NT5DC1: variants seen among roughly 807,000 people sequenced by gnomAD.
NT5DC1 encodes 5'-nucleotidase domain containing 1.
NT5DC1 carries 42 observed loss-of-function variants against 59.4 expected under a neutral mutation model. The ratio of observed to expected loss-of-function variants is 0.71; its 90% CI spans 0.55 to 0.92. NT5DC1 has a LOEUF of 0.92. Ranked by LOEUF, NT5DC1 falls within the 40% of genes least tolerant of loss-of-function variation. The probability of loss-of-function intolerance (pLI) is 0.00; values close to 1 mark genes in which losing one functional copy is unlikely to be tolerated. For synonymous variants in NT5DC1, 172 were observed against 188.1 expected, an observed-to-expected ratio of 0.91 and a Z score of 0.70; for missense variants, 501 against 537.1, an observed-to-expected ratio of 0.93 and a Z score of 0.66.
chr6:116,231,338 C>A (rs992839270), intron 8 of NT5DC1, among the ~76,000 whole-genome samples: 1 of 151,888 alleles, frequency 6.6e-6, no homozygotes, highest in African/African-American at 2.4e-5. Flanking sequence ...AAGTCTAGCC[C>A]AGAATTGAGG....
intron 6 of NT5DC1, among the ~76,000 whole-genome samples, chr6:116,144,743 G>T (rs1346700787): frequency 1.3e-5 from 2 of 152,110 alleles, no homozygotes; most frequent in Non-Finnish European, 2.9e-5. Flanking sequence ...GGAGTGGGTG[G>T]GATAGCAGGA....
intron 11 of NT5DC1, among the ~76,000 whole-genome samples, chr6:116,240,723 A>T (rs1771695406): frequency 6.6e-6 from 1 of 152,242 alleles, no homozygotes; most frequent in Non-Finnish European, 1.5e-5. Flanking sequence ...TAAATAACAG[A>T]TTGACATCTG....
intron 6 of NT5DC1, among the ~76,000 whole-genome samples, chr6:116,189,336 G>T (rs575810536): frequency 2.6e-5 from 4 of 151,808 alleles, no homozygotes; most frequent in African/African-American, 9.6e-5. Flanking sequence ...CTCACAACCC[G>T]ATTTGAGACT....
intron 6 of NT5DC1, chr6:116,121,037 G>A (rs768368680): frequency 6.8e-6 from 11 of 1,614,050 alleles, no homozygotes; most frequent in Non-Finnish European, 9.3e-6. Flanking sequence ...CTCACCTTTA[G>A]GGCCTGGGAG....
Position 116,220,865 on chromosome 6 carries a change from T to C in NT5DC1, c.530-189T>C, listed in dbSNP as rs79177046. Among the ~76,000 whole-genome samples, 139 of 152,342 alleles carry C rather than the reference T, an allele frequency of 9.1e-4. 3 individuals are homozygous for C. The East Asian group carries it at 0.026, about 28-fold the overall frequency. Reference sequence around the variant, plus strand: ...ATTATCAACTAACATTTTCAAACAATATTGTGTTTTCAAGTAAAGAACTAT... The same window carrying C: ...ATTATCAACTAACATTTTCAAACAACATTGTGTTTTCAAGTAAAGAACTAT... On this transcript the variant is annotated intron_variant, in intron 6 of 11. Coordinates refer to ENST00000319550, the MANE Select transcript of NT5DC1 (RefSeq NM_152729.3).
chr6:116,223,867 T>C (rs1781858214), intron 8 of NT5DC1, among the ~76,000 whole-genome samples: 1 of 152,182 alleles, frequency 6.6e-6, no homozygotes, highest in South Asian at 2.1e-4. Context: ...GGTTGGAAAT[T>C]GAAACACACT....
intron 6 of NT5DC1, among the ~76,000 whole-genome samples, chr6:116,151,149 G>C (rs923743351): frequency 6.6e-6 from 1 of 151,930 alleles, no homozygotes; most frequent in Non-Finnish European, 1.5e-5. Context: ...CCTTCTTTTT[G>C]CTTCCGGGCA....
At chr6:116,218,386 C>T (rs1582879135) in intron 6 of NT5DC1, among the ~76,000 whole-genome samples, 1 of 152,186 alleles carries the variant, frequency 6.6e-6, no homozygotes. Context: ...GCATTACACA[C>T]TATAAATTTT....
intron 8 of NT5DC1, among the ~76,000 whole-genome samples, chr6:116,235,565 G>A (rs1296774616): frequency 6.6e-6 from 1 of 152,202 alleles, no homozygotes; most frequent in East Asian, 1.9e-4. Context: ...CTGAGGTTAT[G>A]CAGAAATGCA....
At chr6:116,121,997 G>A in intron 6 of NT5DC1, 1 of 1,564,968 alleles carries the variant, frequency 6.4e-7, no homozygotes, top group South Asian at 1.1e-5. Flanking sequence ...CCCATAGAAG[G>A]GGATGGTTAG....
chr6:116,169,772 G>T (rs761749533), intron 6 of NT5DC1, among the ~76,000 whole-genome samples: 2 of 152,146 alleles, frequency 1.3e-5, no homozygotes, highest in African/African-American at 4.8e-5. Flanking sequence ...ACAGACATTT[G>T]GAGTTCAGAG....
chr6:116,101,446 AT>A (rs138520308), intron 1 of NT5DC1, among the ~76,000 whole-genome samples: 30,977 of 151,724 alleles, frequency 0.2, 3,871 homozygotes, highest in Middle Eastern at 0.37. Flanking sequence ...TGGTACTTGC[AT>A]TTTTTTTGGC....
At chr6:116,136,338 T>A (rs1211963914) in intron 6 of NT5DC1, among the ~76,000 whole-genome samples, 1 of 152,066 alleles carries the variant, frequency 6.6e-6, no homozygotes, top group Non-Finnish European at 1.5e-5. Context: ...CTTTTTTTTT[T>A]AAAGGACAAG....
At position 116,121,508 on chromosome 6, in the gene NT5DC1, C is replaced by T. The variant is rs754873544; in HGVS notation, c.529+3563C>T. Reference sequence around the variant, plus strand: ...TGTGGGACCCTGAGGGCCTGGAAGACCCCTCTCACCTGGACGACCAGGAGC... The same window carrying T: ...TGTGGGACCCTGAGGGCCTGGAAGATCCCTCTCACCTGGACGACCAGGAGC... On this transcript the variant is annotated intron_variant, in intron 6 of 11. Coordinates refer to ENST00000319550, the MANE Select transcript of NT5DC1 (RefSeq NM_152729.3). The T allele has an allele frequency of 1.9e-6, 3 of 1,614,198 alleles. No homozygotes were observed. Among genetic ancestry groups the T allele is most frequent in the Middle Eastern group, 3.3e-4 (2 of 6,062 alleles).
At position 116,244,088 on chromosome 6, in the gene NT5DC1, A is replaced by G. The variant is rs1228183393; in HGVS notation, c.*64A>G. On this transcript the variant is annotated 3_prime_UTR_variant, in exon 12 of 12. Transcript: ENST00000319550. Reference sequence around the variant, plus strand: ...GCAGTTAAAAAAAAGTTAATTTTCAAAAAATACTGTAAAAGACTTTAAGGA... The same window carrying G: ...GCAGTTAAAAAAAAGTTAATTTTCAGAAAATACTGTAAAAGACTTTAAGGA... 1 of 622,000 alleles carries G rather than the reference A, an allele frequency of 1.6e-6. No homozygotes were observed. Among genetic ancestry groups the G allele is most frequent in the Non-Finnish European group, 2.8e-6 (1 of 352,970 alleles). The allele number at this position is 622,000 out of a possible 1,614,324, so 38.5% of individuals were successfully genotyped here.
chr6:116,127,011 A>G (rs2114315458), intron 6 of NT5DC1, among the ~76,000 whole-genome samples: 1 of 152,306 alleles, frequency 6.6e-6, no homozygotes, highest in East Asian at 1.9e-4. Context: ...GGATCCTAAA[A>G]AATCTAATAA....
intron 11 of NT5DC1, among the ~76,000 whole-genome samples, chr6:116,240,170 A>G (rs1198109177): frequency 6.6e-6 from 1 of 152,192 alleles, no homozygotes; most frequent in Non-Finnish European, 1.5e-5. Context: ...TAAGATATGC[A>G]CTGAATTTTA....
chr6:116,147,992 A>G (rs954439261), intron 6 of NT5DC1, among the ~76,000 whole-genome samples: 1 of 151,888 alleles, frequency 6.6e-6, no homozygotes, highest in African/African-American at 2.4e-5. Context: ...CTCAAAAAAA[A>G]AAAAGGTGGG....
intron 6 of NT5DC1, among the ~76,000 whole-genome samples, chr6:116,163,407 C>T (rs953768681): frequency 1.3e-5 from 2 of 151,806 alleles, no homozygotes; most frequent in African/African-American, 2.4e-5. Context: ...AGTTTGTATG[C>T]ATAGAGATGT....
Sources: gnomAD v4.1 joint callset for allele counts (sites outside exome capture counted in the v4.1 genomes callset) on GRCh38, gnomAD v4.1.1 for gene constraint, MANE v1.5 for transcripts, NCBI Gene and HGNC (gene_info 2026-07-23, HGNC 2026-07-21) for gene names.